CYP2C19: variants seen among roughly 807,000 people sequenced by gnomAD.
The protein encoded by CYP2C19 is cytochrome P450 family 2 subfamily C member 19, also known as cytochrome P450 2C19.
Under a neutral mutation model 40.9 loss-of-function variants are expected in CYP2C19, and 59 were observed. That is an observed-to-expected ratio of 1.44 (90% CI 1.17 to 1.79). CYP2C19 has a LOEUF of 1.79. Among genes scored for constraint, CYP2C19 ranks in the 40% most tolerant of loss-of-function variants. CYP2C19 has a pLI of 0.00. For synonymous variants in CYP2C19, 253 were observed against 208.7 expected (o/e 1.21, Z -1.83); for missense variants, 754 against 596.9 (o/e 1.26, Z -2.74).
At chr10:94,766,293 G>C in intron 1 of CYP2C19, among the ~76,000 whole-genome samples, 1 of 113,204 alleles carries the variant, frequency 8.8e-6, no homozygotes, top group African/African-American at 4.1e-5. Context: ...CTAGTGGAAG[G>C]GGAGGGGTGA....
At chr10:94,845,056 C>G (rs1362530903) in intron 7 of CYP2C19, among the ~76,000 whole-genome samples, 2 of 152,142 alleles carry the variant, frequency 1.3e-5, no homozygotes, top group Non-Finnish European at 2.9e-5. Flanking sequence ...CATGGAACAG[C>G]CTATAGAAAA....
At chr10:94,846,367 A>G (rs1849573077) in intron 7 of CYP2C19, among the ~76,000 whole-genome samples, 1 of 152,208 alleles carries the variant, frequency 6.6e-6, no homozygotes, top group Admixed American at 6.6e-5. Context: ...CCACTGAATC[A>G]CAGTGGTGAG....
intron 8 of CYP2C19, among the ~76,000 whole-genome samples, chr10:94,852,047 T>A (rs1039907224): frequency 6.6e-6 from 1 of 152,132 alleles, no homozygotes; most frequent in African/African-American, 2.4e-5. Context: ...AGGAGAAGCA[T>A]GATATAAAAC....
At chr10:94,775,660 TGAA>T (rs1848398172) in intron 3 of CYP2C19, 121 bp downstream of exon 3, 1 of 1,553,434 alleles carries the variant, frequency 6.4e-7, no homozygotes, top group East Asian at 2.2e-5. Context: ...TTAGCTCATG[TGAA>T]GCAGGGTTTG....
intron 3 of CYP2C19, 151 bp from the exon 4 acceptor site, chr10:94,780,348 T>C (rs1377051845): frequency 2.1e-6 from 2 of 964,382 alleles, no homozygotes; most frequent in Admixed American, 2.9e-5. Context: ...GATGTGTTGA[T>C]TTTATGCATG....
chr10:94,763,738 G>T (rs1449740616), intron 1 of CYP2C19, among the ~76,000 whole-genome samples: 1 of 151,940 alleles, frequency 6.6e-6, no homozygotes, highest in South Asian at 2.1e-4. Context: ...TTCAGGGAGA[G>T]CAGTGTTTGA....
At chr10:94,817,065 A>C (rs1163296606) in intron 5 of CYP2C19, among the ~76,000 whole-genome samples, 2 of 136,348 alleles carry the variant, frequency 1.5e-5, no homozygotes, top group Admixed American at 7.7e-5. Context: ...TTATAGCAGC[A>C]TGATTTATAG....
chr10:94,832,007 T>C (rs1849343256), intron 6 of CYP2C19, among the ~76,000 whole-genome samples: 1 of 152,200 alleles, frequency 6.6e-6, no homozygotes, highest in Admixed American at 6.5e-5. Context: ...TGTTTTCTAG[T>C]ATTTTCCTAT....
rs1848389386 is a variant in CYP2C19, at chr10:94,775,156, T to C, written c.267T>C (p.Asp89=). The C allele has an allele frequency of 6.2e-7, 1 of 1,613,980 alleles. No individual in the cohort carries two copies. The highest frequency in any genetic ancestry group is 1.3e-5 in the African/African-American group (1 of 74,900). The change falls in exon 2 of 9, where the codon GAT becomes GAC. Residue 89 remains aspartate, a synonymous_variant. Coordinates refer to ENST00000371321, the MANE Select transcript of CYP2C19 (RefSeq NM_000769.4). ...GYEVVKEALI[D]LGEEFSGRGH... ...AAGTGGTGAAGGAAGCCCTGATTGATCTTGGAGAGGAGTTTTCTGGAAGAG... is the reference window on the plus strand; with the variant it reads ...AAGTGGTGAAGGAAGCCCTGATTGACCTTGGAGAGGAGTTTTCTGGAAGAG...
chr10:94,830,496 G>A (rs1849316196), intron 6 of CYP2C19, among the ~76,000 whole-genome samples: 1 of 152,184 alleles, frequency 6.6e-6, no homozygotes, highest in Non-Finnish European at 1.5e-5. Context: ...GTGAGGCAAT[G>A]CCTCGCCCTG....
chr10:94,791,788 A>T (rs182695406), intron 5 of CYP2C19, among the ~76,000 whole-genome samples: 1 of 152,100 alleles, frequency 6.6e-6, no homozygotes, highest in East Asian at 1.9e-4. Context: ...ACTTCCAGCT[A>T]TGTGGTCAAT....
At chr10:94,819,163 C>A (rs1849069044) in intron 5 of CYP2C19, among the ~76,000 whole-genome samples, 1 of 148,394 alleles carries the variant, frequency 6.7e-6, no homozygotes, top group Admixed American at 6.8e-5. Context: ...GAAATGAAGG[C>A]AGAAATAAAG....
At chr10:94,792,951 T>C (rs1350889991) in intron 5 of CYP2C19, among the ~76,000 whole-genome samples, 2 of 152,200 alleles carry the variant, frequency 1.3e-5, no homozygotes, top group African/African-American at 4.8e-5. Context: ...AAGAGTGTTT[T>C]CCAACTTGGT....
At chr10:94,831,787 T>C (rs151153167) in intron 6 of CYP2C19, among the ~76,000 whole-genome samples, 2,895 of 152,342 alleles carry the variant, frequency 0.019, 36 homozygotes, top group South Asian at 0.039. Context: ...AAGTTCCTTA[T>C]ATATTCTGGT....
intron 6 of CYP2C19, among the ~76,000 whole-genome samples, chr10:94,822,671 T>C (rs1406277932): frequency 6.6e-6 from 1 of 152,232 alleles, no homozygotes; most frequent in Non-Finnish European, 1.5e-5. Context: ...GTGACTGAAC[T>C]AGTTTGCATA....
intron 5 of CYP2C19, among the ~76,000 whole-genome samples, chr10:94,818,754 T>G (rs1849057947): frequency 6.7e-6 from 1 of 149,572 alleles, no homozygotes; most frequent in Non-Finnish European, 1.5e-5. Context: ...TCCTGAGACT[T>G]TGCTGAAGTT....
intron 5 of CYP2C19, among the ~76,000 whole-genome samples, chr10:94,813,492 A>G (rs1393995953): frequency 6.6e-6 from 1 of 151,984 alleles, no homozygotes; most frequent in African/African-American, 2.4e-5. Flanking sequence ...GAGAGTAGGA[A>G]TCTAGAGGGG....
At chr10:94,843,095 C>G (rs763906692) in intron 7 of CYP2C19, 71 bp downstream of exon 7, 1 of 1,571,866 alleles carries the variant, frequency 6.4e-7, no homozygotes, top group Admixed American at 1.7e-5. Flanking sequence ...GATTCTTACC[C>G]TCTACCATCA....
chr10:94,792,456 C>A (rs1373537192), intron 5 of CYP2C19, among the ~76,000 whole-genome samples: 1 of 152,268 alleles, frequency 6.6e-6, no homozygotes, highest in South Asian at 2.1e-4. Context: ...CAATGATGGT[C>A]TTTACAATTT....
Sources: gnomAD v4.1 joint callset for allele counts (sites outside exome capture counted in the v4.1 genomes callset) on GRCh38, gnomAD v4.1.1 for gene constraint, MANE v1.5 for transcripts, NCBI Gene and HGNC (gene_info 2026-07-23, HGNC 2026-07-21) for gene names.